HCRTR2: variants seen among roughly 807,000 people sequenced by gnomAD.
HCRTR2 encodes the protein hypocretin receptor 2.
HCRTR2 carries 22 observed loss-of-function variants against 49.0 expected under a neutral mutation model. That is an observed-to-expected ratio of 0.45 (90% CI 0.32 to 0.64). The LOEUF (loss-of-function observed/expected upper bound fraction) is 0.64. Among genes scored for constraint, HCRTR2 ranks in the 30% least tolerant of loss-of-function variants. The pLI, the probability that HCRTR2 is intolerant of heterozygous loss-of-function variation, is 0.04. For missense variants in HCRTR2, 491 were observed against 559.4 expected (o/e 0.88, Z 1.23); for synonymous variants, 236 against 205.3 (o/e 1.15, Z -1.28).
chr6:55,153,827 A>C (rs1361636301), intron 1 of HCRTR2, among the ~76,000 whole-genome samples: 57 of 151,884 alleles, frequency 3.8e-4, no homozygotes, highest in Non-Finnish European at 1.0e-4. Flanking sequence ...GAGAATGAAA[A>C]AATTAGAAAA....
chr6:55,231,460 C>A (rs1278311205), intron 1 of HCRTR2, among the ~76,000 whole-genome samples: 1 of 152,040 alleles, frequency 6.6e-6, no homozygotes, highest in East Asian at 1.9e-4. Context: ...AACGGAATAT[C>A]TGAAAGTGTT....
At chr6:55,156,353 A>G (rs2127260234) in intron 1 of HCRTR2, among the ~76,000 whole-genome samples, 1 of 152,208 alleles carries the variant, frequency 6.6e-6, no homozygotes, top group African/African-American at 2.4e-5. Context: ...CTTATAAAGA[A>G]CACATAATAA....
At chr6:55,260,126 A>G (rs1450856467) in intron 3 of HCRTR2, among the ~76,000 whole-genome samples, 1 of 152,174 alleles carries the variant, frequency 6.6e-6, no homozygotes, top group Non-Finnish European at 1.5e-5. Flanking sequence ...CATCTATTCA[A>G]AACGCCAAAC....
chr6:55,274,657 G>C (rs141573639), intron 4 of HCRTR2, among the ~76,000 whole-genome samples: 1 of 151,938 alleles, frequency 6.6e-6, no homozygotes, highest in Non-Finnish European at 1.5e-5. Flanking sequence ...TTGATTTTTT[G>C]AGTGGTAAGC....
chr6:55,212,029 A>G (rs569638448), intron 1 of HCRTR2, among the ~76,000 whole-genome samples: 48 of 152,306 alleles, frequency 3.2e-4, no homozygotes, highest in Non-Finnish European at 4.6e-4. Flanking sequence ...AACAACAACA[A>G]AAAGTGTTAC....
At chr6:55,182,020 T>C (rs557598060) in intron 1 of HCRTR2, among the ~76,000 whole-genome samples, 14 of 152,374 alleles carry the variant, frequency 9.2e-5, no homozygotes, top group South Asian at 4.1e-4. Context: ...TCTGAATAGC[T>C]AGGCTATGCC....
At chr6:55,252,810 G>T (rs1766577579) in intron 2 of HCRTR2, among the ~76,000 whole-genome samples, 1 of 151,940 alleles carries the variant, frequency 6.6e-6, no homozygotes, top group African/African-American at 2.4e-5. Context: ...AAAGCAATCT[G>T]TTCCAATTAA....
chr6:55,217,413 A>T (rs1765807848), intron 1 of HCRTR2, among the ~76,000 whole-genome samples: 1 of 152,136 alleles, frequency 6.6e-6, no homozygotes, highest in South Asian at 2.1e-4. Flanking sequence ...TTGCTCCTGA[A>T]TTGGCCAAAA....
intron 1 of HCRTR2, among the ~76,000 whole-genome samples, chr6:55,127,644 A>C (rs185436410): frequency 1.0e-3 from 155 of 152,246 alleles, no homozygotes; most frequent in Middle Eastern, 6.8e-3. Flanking sequence ...CTTATGCCTA[A>C]CTAACTAGAA....
Position 55,260,940 on chromosome 6 carries a change from G to T in HCRTR2, c.647-2767G>T, listed in dbSNP as rs560030675. Reference sequence around the variant, plus strand: ...CATCCCCTTTATGAAGTAATGAAAAGAATAAAATACATAGAGGTAATAGCA... The same window carrying T: ...CATCCCCTTTATGAAGTAATGAAAATAATAAAATACATAGAGGTAATAGCA... On this transcript the variant is annotated intron_variant, in intron 3 of 6. Transcript: ENST00000370862. Among the ~76,000 whole-genome samples, 110 of 152,098 alleles carry T rather than the reference G, an allele frequency of 7.2e-4. 3 individuals carry two copies. In the South Asian group the frequency reaches 0.021, roughly 30 times the overall value.
intron 1 of HCRTR2, among the ~76,000 whole-genome samples, chr6:55,138,566 T>A (rs1764462741): frequency 6.6e-6 from 1 of 152,222 alleles, no homozygotes; most frequent in Non-Finnish European, 1.5e-5. Flanking sequence ...ATGTTAAAAC[T>A]GTATTTTTTG....
At chr6:55,272,757 T>C (rs1476913618) in intron 4 of HCRTR2, among the ~76,000 whole-genome samples, 5 of 151,606 alleles carry the variant, frequency 3.3e-5, no homozygotes, top group South Asian at 2.1e-4. Flanking sequence ...CGTACTTCTA[T>C]AGACTTTAAA....
intron 1 of HCRTR2, among the ~76,000 whole-genome samples, chr6:55,136,438 C>A (rs1764434921): frequency 6.6e-6 from 1 of 152,026 alleles, no homozygotes; most frequent in South Asian, 2.1e-4. Context: ...GAATGTTAGA[C>A]ACTGGGAAAA....
rs1386460056 is a variant in HCRTR2, at chr6:55,151,835, ATGGACTACAAAGTGATGTT to A, written c.-377-22374_-377-22356del. ...AAAAATCAAAATGGCTCTTTGATCC[ATGGACTACAAAGTGATGTT>A]TTGTTAGCAGGCATGAAAACTACAT... On this transcript the variant is annotated intron_variant, in intron 1 of 7. Coordinates refer to the HCRTR2 transcript ENST00000615358. Among the ~76,000 whole-genome samples the A allele has an allele frequency of 3.3e-5, 5 of 151,956 alleles. No homozygotes were observed. In the East Asian group the frequency reaches 9.7e-4, roughly 29 times the overall value.
intron 3 of HCRTR2, among the ~76,000 whole-genome samples, chr6:55,261,580 C>T (rs576898069): frequency 2.0e-5 from 3 of 152,006 alleles, no homozygotes; most frequent in African/African-American, 7.2e-5. Flanking sequence ...TGGCCAATAC[C>T]ACCTTACTCT....
At chr6:55,220,121 G>GAA (rs547846580) in intron 1 of HCRTR2, among the ~76,000 whole-genome samples, 1 of 150,890 alleles carries the variant, frequency 6.6e-6, no homozygotes, top group Non-Finnish European at 1.5e-5. Flanking sequence ...ACATTTAATA[G>GAA]AAAAAAAAAT....
chr6:55,234,304 T>C (rs1031529333), intron 1 of HCRTR2, among the ~76,000 whole-genome samples: 1 of 152,098 alleles, frequency 6.6e-6, no homozygotes, highest in African/African-American at 2.4e-5. Flanking sequence ...ATGTTTAGAA[T>C]GGAACACCTG....
At chr6:55,231,356 G>T (rs1426743749) in intron 1 of HCRTR2, among the ~76,000 whole-genome samples, 1 of 152,108 alleles carries the variant, frequency 6.6e-6, no homozygotes, top group Non-Finnish European at 1.5e-5. Context: ...TCTCTTTTAA[G>T]AGAAGTAAGA....
intron 1 of HCRTR2, among the ~76,000 whole-genome samples, chr6:55,221,342 C>A (rs1765885978): frequency 1.3e-5 from 2 of 152,106 alleles, no homozygotes; most frequent in South Asian, 4.1e-4. Context: ...TATGAACTTA[C>A]AAACCAGCAT....
Sources: allele counts gnomAD v4.1 joint callset (sites outside exome capture counted in the v4.1 genomes callset), GRCh38; gene constraint gnomAD v4.1.1; transcripts MANE v1.5; gene names NCBI Gene and HGNC (gene_info 2026-07-23, HGNC 2026-07-21).